The following PRSS1 variants were observed in gnomAD, a reference collection of about 807,000 sequenced individuals.
The protein encoded by PRSS1 is TCR V beta 4.1.
PRSS1 carries 22 observed loss-of-function variants against 24.2 expected under a neutral mutation model. The ratio of observed to expected loss-of-function variants is 0.91; its 90% confidence interval spans 0.65 to 1.30. PRSS1 has a LOEUF of 1.30. PRSS1 is among the 50% of genes most tolerant of loss of function. PRSS1 has a pLI of 0.00. For synonymous variants in PRSS1, 126 were observed against 116.1 expected, an observed-to-expected ratio of 1.08 and a Z score of -0.55; for missense variants, 366 against 304.2, an observed-to-expected ratio of 1.20 and a Z score of -1.51.
chr7:142,751,213 C>A (rs1019449943), intron 2 of PRSS1: 7 of 608,006 alleles, frequency 1.2e-5, no homozygotes, highest in Non-Finnish European at 2.0e-5. Flanking sequence ...TGCATCAGAA[C>A]GCCCTGCAGG....
chr7:142,752,552 C>G lies in PRSS1; in HGVS notation c.576C>G (p.Gly192=). The change falls in exon 4 of 5, where the codon GGC becomes GGG. Residue 192 remains glycine, a synonymous_variant. Coordinates refer to ENST00000311737, the MANE Select transcript of PRSS1 (RefSeq NM_002769.5). ...NMFCVGFLEG[G]KDSCQGDSGG... ...TCTGTGTGGGCTTCCTTGAGGGAGGCAAGGATTCATGTCAGGTGATTTGAC... is the reference window on the plus strand; with the variant it reads ...TCTGTGTGGGCTTCCTTGAGGGAGGGAAGGATTCATGTCAGGTGATTTGAC... 6.2e-7 allele frequency: 1 copy of G among 1,614,184 alleles called. No homozygotes were observed. The highest frequency in any genetic ancestry group is 1.1e-5 in the South Asian group (1 of 91,080).
intron 4 of PRSS1, 73 bp downstream of exon 4, chr7:142,752,640 C>T: frequency 6.2e-7 from 1 of 1,610,986 alleles, no homozygotes; most frequent in Non-Finnish European, 8.5e-7. Flanking sequence ...AGGATTTGAA[C>T]TCAAAAGGTG....
In PRSS1 at chr7:142,751,964, G is replaced by A. The variant is rs141011596; in HGVS notation, c.391G>A (p.Ala131Thr). The part of the protein sequence containing the change: ...ARVSTISLPT[A>T]PPATGTKCLI... ...CGTGTCCACCATCTCTCTGCCCACC[G>A]CCCCTCCAGCCACTGGCACGAAGTG... The change falls in exon 3 of 5, where the codon GCC becomes ACC. Residue 131 changes from alanine (A) to threonine (T), a missense_variant. Coordinates refer to ENST00000311737, the MANE Select transcript of PRSS1 (RefSeq NM_002769.5). 2.0e-5 allele frequency: 33 copies of A among 1,613,776 alleles called. No homozygotes were observed. Among genetic ancestry groups the A allele is most frequent in the Admixed American group, 1.0e-4 (6 of 60,004 alleles).
Position 142,752,417 on chromosome 7 carries a change from C to T in PRSS1, c.455-14C>T, listed in dbSNP as rs747800166. 1.8e-5 allele frequency: 29 copies of T among 1,613,756 alleles called. 1 individual carries two copies. The South Asian group carries it at 2.2e-4, about 12-fold the overall frequency. ...ACATTTCTACTTCCTTTGATCTCTT[C>T]CTGATCCTCACAGCCGACTACCCAG... On this transcript the variant is annotated splice_polypyrimidine_tract_variant and intron_variant, in intron 3 of 4. Transcript: ENST00000311737.
rs267601347 is a variant in PRSS1 at position 142,752,510 on chromosome 7, G to A, written c.534G>A (p.Lys178=). The A allele has an allele frequency of 1.1e-5, 18 of 1,614,102 alleles. No homozygotes were observed. The highest frequency in any genetic ancestry group is 1.3e-5 in the African/African-American group (1 of 74,964). ...AGTGTGAAGCCTCCTACCCTGGAAA[G>A]ATTACCAGCAACATGTTCTGTGTGG... ...QAKCEASYPG[K]ITSNMFCVGF... Residue 178 remains lysine (K), a synonymous_variant, in exon 4 of 5, where the codon AAG becomes AAA. Transcript: ENST00000311737.
chr7:142,750,932 T>A, intron 2 of PRSS1: 1 of 785,188 alleles, frequency 1.3e-6, no homozygotes, highest in Non-Finnish European at 2.2e-6. Context: ...GTTGTGGTCA[T>A]AAAAGCAGGC....
Position 142,749,590 on chromosome 7 carries a change from A to C in PRSS1, c.40+66A>C, listed in dbSNP as rs1197768915. 5 of 1,349,948 alleles carry C rather than the reference A, an allele frequency of 3.7e-6. No individual in the cohort carries two copies. In the South Asian group the frequency reaches 6.0e-5, roughly 16 times the overall value. 83.6% of individuals were successfully genotyped at this position (1,349,948 alleles called of 1,614,324 possible). On this transcript the variant is annotated intron_variant, in intron 1 of 4. Transcript: ENST00000311737. ...GTTCCTGGCCGACAAATGCCCTTCC[A>C]TTCTTACCACCTCTCCTCTTTTGAC... is the stretch of plus-strand genomic sequence containing the variant.
In PRSS1 at chr7:142,752,177, A is replaced by G. The variant is rs188416614; in HGVS notation, c.454+150A>G. On this transcript the variant is annotated intron_variant, in intron 3 of 4. Coordinates refer to ENST00000311737, the MANE Select transcript of PRSS1 (RefSeq NM_002769.5). ...AGACTCTGCACTGGGCACCAGAGAGATGCAAACTATCAAGGACTTGGCTCC... is the reference window on the plus strand; with the variant it reads ...AGACTCTGCACTGGGCACCAGAGAGGTGCAAACTATCAAGGACTTGGCTCC... 1.9e-5 allele frequency: 26 copies of G among 1,337,872 alleles called. No individual in the cohort carries two copies. In the East Asian group the frequency reaches 5.7e-4, roughly 29 times the overall value. The allele number at this position is 1,337,872 out of a possible 1,614,324, so 82.9% of individuals were successfully genotyped here.
At position 142,751,780 on chromosome 7, in the gene PRSS1, C is replaced by G. The variant is rs1431688642; in HGVS notation, c.207C>G (p.Ile69Met). Reference sequence around the variant, plus strand: ...TGCCTGCCCTGCCCATCAGCCGCATCCAGGTGAGACTGGGAGAGCACAACA... The same window carrying G: ...TGCCTGCCCTGCCCATCAGCCGCATGCAGGTGAGACTGGGAGAGCACAACA... ...VSAGHCYKSR[I>M]QVRLGEHNIE... Residue 69 changes from isoleucine to methionine, a missense_variant, in exon 3 of 5, where the codon ATC (isoleucine) becomes ATG (methionine). Physicochemically the swap from Ile to Met is conservative, Grantham distance 10. Transcript: ENST00000311737. 6.2e-7 allele frequency: 1 copy of G among 1,614,054 alleles called. No homozygotes were observed. The highest frequency in any genetic ancestry group is 1.6e-4 in the Middle Eastern group (1 of 6,084).
intron 4 of PRSS1, 81 bp downstream of exon 4, chr7:142,752,648 G>A: frequency 6.2e-7 from 1 of 1,608,244 alleles, no homozygotes; most frequent in Non-Finnish European, 8.5e-7. Context: ...AACTCAAAAG[G>A]TGGTGGGGCT....
In PRSS1 at chr7:142,749,473, C is replaced by A. The variant is rs1254103203; in HGVS notation, c.-12C>A. 6.2e-7 allele frequency: 1 copy of A among 1,613,836 alleles called. No homozygotes were observed. Among genetic ancestry groups the A allele is most frequent in the South Asian group, 1.1e-5 (1 of 91,080 alleles). ...CGAGTCCTCCACCACCAGTCAGGCACACTCTACCACCATGAATCCACTCCT... is the reference window on the plus strand; with the variant it reads ...CGAGTCCTCCACCACCAGTCAGGCAAACTCTACCACCATGAATCCACTCCT... On this transcript the variant is annotated 5_prime_UTR_variant, in exon 1 of 5. Transcript: ENST00000311737.
At chr7:142,750,891 C>T (rs1798653506) in intron 2 of PRSS1, 177 bp downstream of exon 2, 1 of 927,612 alleles carries the variant, frequency 1.1e-6, no homozygotes, top group Non-Finnish European at 1.7e-6. Flanking sequence ...AGGAACCTCT[C>T]ACACCCAGGC....
rs1798760073 is a variant in PRSS1 at position 142,751,812 on chromosome 7, T to G, written c.239T>G (p.Val80Gly). The G allele has an allele frequency of 6.8e-6, 11 of 1,614,086 alleles. No homozygotes were observed. In the East Asian group the frequency reaches 2.5e-4, roughly 36 times the overall value. ...AGACTGGGAGAGCACAACATCGAAG[T>G]CCTGGAGGGGAATGAGCAGTTCATC... ...QVRLGEHNIE[V>G]LEGNEQFINA... The change falls in exon 3 of 5, where the codon GTC becomes GGC. Residue 80 changes from valine (V) to glycine (G), a missense_variant. By Grantham distance (109) the Val-to-Gly change is moderately radical. Coordinates refer to ENST00000311737, the MANE Select transcript of PRSS1 (RefSeq NM_002769.5).
At chr7:142,751,059 C>T (rs368381895) in intron 2 of PRSS1, 2 of 703,048 alleles carry the variant, frequency 2.8e-6, no homozygotes, top group Non-Finnish European at 5.2e-6. Context: ...ATGCCTTTGT[C>T]CTATCCCAGG....
chr7:142,750,502 G>C, intron 1 of PRSS1, 53 bp from the exon 2 acceptor site: 1 of 1,612,558 alleles, frequency 6.2e-7, no homozygotes. Context: ...GGCTGGGAGC[G>C]CCACCCCTAA....
At position 142,752,017 on chromosome 7, in the gene PRSS1, G is replaced by C. The variant is rs11553844; in HGVS notation, c.444G>C (p.Ala148=). The C allele has an allele frequency of 6.2e-7, 1 of 1,614,110 alleles. No individual in the cohort carries two copies. The highest frequency in any genetic ancestry group is 2.2e-5 in the East Asian group (1 of 44,878). Residue 148 remains alanine (A), a synonymous_variant, in exon 3 of 5, where the codon GCG becomes GCC. Transcript: ENST00000311737. ...TCATCTCTGGCTGGGGCAACACTGCGAGCTCTGGCGGTGAGTGGGACCCTT... is the reference window on the plus strand; with the variant it reads ...TCATCTCTGGCTGGGGCAACACTGCCAGCTCTGGCGGTGAGTGGGACCCTT... The part of the protein sequence containing the change: ...KCLISGWGNT[A]SSGADYPDEL...
At position 142,752,597 on chromosome 7, in the gene PRSS1, G is replaced by C. The variant is rs572827631; in HGVS notation, c.591+30G>C. 5.0e-6 allele frequency: 8 copies of C among 1,614,100 alleles called. No individual in the cohort carries two copies. In the African/African-American group the frequency reaches 9.3e-5, roughly 19 times the overall value. ...TTTGACCAACCCTTCCCATGCTGAG[G>C]CTCCCACTGATACCTAGGCCCCACC... On this transcript the variant is annotated intron_variant, in intron 4 of 4. Coordinates refer to ENST00000311737, the MANE Select transcript of PRSS1 (RefSeq NM_002769.5).
At chr7:142,749,973 A>G (rs551790236) in intron 1 of PRSS1, among the ~76,000 whole-genome samples, 2 of 152,302 alleles carry the variant, frequency 1.3e-5, no homozygotes, top group Non-Finnish European at 2.9e-5. Context: ...TAAGCTTCCC[A>G]GGTGATTTTT....
At chr7:142,749,563 C>G (rs765946162) in intron 1 of PRSS1, 39 bp downstream of exon 1, 2 of 1,605,174 alleles carry the variant, frequency 1.2e-6, no homozygotes, top group Middle Eastern at 1.7e-4. Flanking sequence ...AACCACCCCC[C>G]CGTTCCTGGC....
Sources: gnomAD v4.1 joint callset for allele counts (sites outside exome capture counted in the v4.1 genomes callset) on GRCh38, gnomAD v4.1.1 for gene constraint, MANE v1.5 for transcripts, NCBI Gene and HGNC (gene_info 2026-07-23, HGNC 2026-07-21) for gene names.